The following BROX variants were observed in gnomAD, a reference collection of about 807,000 sequenced individuals.
The protein encoded by BROX is BRO1 domain and CAAX motif containing, also known as BRO1 domain-containing protein BROX.
BROX carries 53 observed loss-of-function variants against 61.0 expected under a neutral mutation model. That is an observed-to-expected ratio of 0.87 (90% CI 0.70 to 1.09). The LOEUF (loss-of-function observed/expected upper bound fraction) is 1.09. Among genes scored for constraint, BROX ranks in the 50% least tolerant of loss-of-function variants. The pLI, the probability that BROX is intolerant of heterozygous loss-of-function variation, is 0.00. For synonymous variants in BROX, 152 were observed against 160.2 expected, an observed-to-expected ratio of 0.95 and a Z score of 0.38; for missense variants, 489 against 472.0, an observed-to-expected ratio of 1.04 and a Z score of -0.33.
In BROX at chr1:222,734,142, C is replaced by A. The variant is rs777903254; in HGVS notation, c.*1428C>A. 2.6e-5 allele frequency: 4 copies of A among 152,142 alleles called. No individual in the cohort carries two copies. Among genetic ancestry groups the A allele is most frequent in the Non-Finnish European group, 5.9e-5 (4 of 67,996 alleles). The allele number at this position is 152,142 out of a possible 1,614,324, so 9.4% of individuals were successfully genotyped here. ...GGATGCATAATACTTTAACAGAAGTCACACATCTGTAGGTTTATCTTTTGA... is the reference window on the plus strand; with the variant it reads ...GGATGCATAATACTTTAACAGAAGTAACACATCTGTAGGTTTATCTTTTGA... On this transcript the variant is annotated 3_prime_UTR_variant, in exon 13 of 13. Transcript: ENST00000340934.
chr1:222,719,459 G>A (rs1316827906), intron 4 of BROX, 100 bp downstream of exon 4: 4 of 792,010 alleles, frequency 5.1e-6, no homozygotes, highest in Non-Finnish European at 6.3e-6. Context: ...AAAAATACAG[G>A]TCTGCTCAGC....
intron 2 of BROX, 59 bp downstream of exon 2, chr1:222,715,859 A>G (rs1045064010): frequency 7.7e-6 from 7 of 914,840 alleles, no homozygotes; most frequent in African/African-American, 5.1e-5. Context: ...TTCCATGGCA[A>G]TACAGAAATA....
intron 4 of BROX, among the ~76,000 whole-genome samples, chr1:222,721,030 C>T (rs527878576): frequency 6.6e-6 from 1 of 152,214 alleles, no homozygotes; most frequent in South Asian, 2.1e-4. Context: ...GTTACTATGA[C>T]TACTACTTTT....
intron 5 of BROX, among the ~76,000 whole-genome samples, chr1:222,722,739 C>A (rs149154051): frequency 1.5e-3 from 227 of 152,232 alleles, no homozygotes; most frequent in African/African-American, 5.3e-3. Flanking sequence ...GACCCCAAAT[C>A]AAGAACCCAT....
intron 5 of BROX, among the ~76,000 whole-genome samples, chr1:222,723,557 C>G (rs1409667349): frequency 1.3e-5 from 2 of 152,134 alleles, no homozygotes; most frequent in East Asian, 1.9e-4. Context: ...TACTTGTTTT[C>G]AAGACCTTTT....
intron 7 of BROX, 126 bp from the exon 8 acceptor site, chr1:222,727,042 A>T: frequency 1.5e-6 from 1 of 688,824 alleles, no homozygotes; most frequent in Non-Finnish European, 2.5e-6. Context: ...TTTGCACGTT[A>T]AAACGTTTAA....
In BROX at chr1:222,713,619, C is replaced by G. The variant is rs993339634; in HGVS notation, c.-17+677C>G. The G allele has an allele frequency of 8.3e-5, 16 of 191,928 alleles. 1 individual carries two copies. The highest frequency in any genetic ancestry group is 1.2e-4 in the African/African-American group (5 of 42,222). 11.9% of individuals were successfully genotyped at this position (191,928 alleles called of 1,614,324 possible). ...CCGAAAACTGAAGACCGCCGGGTCG[C>G]AGAAGGGGAGAAGATGGGGCAGGGG... On this transcript the variant is annotated intron_variant, in intron 1 of 12. Coordinates refer to ENST00000340934, the MANE Select transcript of BROX (RefSeq NM_144695.4).
intron 1 of BROX, among the ~76,000 whole-genome samples, chr1:222,714,624 C>G (rs2124989384): frequency 6.6e-6 from 1 of 151,140 alleles, no homozygotes. Flanking sequence ...GGATCTTGCC[C>G]TGTCGCCCAG....
At chr1:222,715,996 A>G (rs571839025) in intron 2 of BROX, among the ~76,000 whole-genome samples, 196 bp downstream of exon 2, 156 of 152,402 alleles carry the variant, frequency 1.0e-3, no homozygotes, top group African/African-American at 3.2e-3. Context: ...AATGAGTCCC[A>G]GAGAGGCTAA....
At chr1:222,718,097 G>A (rs760143171) in intron 2 of BROX, 41 of 152,280 alleles carry the variant, frequency 2.7e-4, no homozygotes, top group Non-Finnish European at 4.6e-4. Flanking sequence ...ACTAATAGGT[G>A]AGATCTCAAA....
chr1:222,720,891 G>A (rs1469585315), intron 4 of BROX, among the ~76,000 whole-genome samples: 1 of 152,128 alleles, frequency 6.6e-6, no homozygotes, highest in Non-Finnish European at 1.5e-5. Flanking sequence ...AGAATTATGT[G>A]ATGAAGACTT....
intron 11 of BROX, among the ~76,000 whole-genome samples, chr1:222,730,920 A>G (rs1025896819): frequency 6.6e-6 from 1 of 152,130 alleles, no homozygotes; most frequent in Non-Finnish European, 1.5e-5. Context: ...GCTTTTTTTC[A>G]AGAGGTTTTC....
chr1:222,715,683 G>T lies in BROX; in HGVS notation c.-16-1G>T. ...TATATTTTTTACTTTTTTGTCTATA[G>T]AAAACATCTGGAGAAAATGACCCAT... is the stretch of plus-strand genomic sequence containing the variant. On this transcript the variant is annotated splice_acceptor_variant, in intron 1 of 12. Coordinates refer to ENST00000340934, the MANE Select transcript of BROX (RefSeq NM_144695.4). LOFTEE classifies it low-confidence loss of function (5UTR_SPLICE). 1 of 1,423,662 alleles carries T rather than the reference G, an allele frequency of 7.0e-7. No homozygotes were observed. 88.2% of individuals were successfully genotyped at this position (1,423,662 alleles called of 1,614,324 possible). A position where few individuals can be genotyped will look rare whatever the true frequency, so the allele number is the denominator to read the frequency against.
chr1:222,714,829 C>T (rs1262801503), intron 1 of BROX, among the ~76,000 whole-genome samples: 1 of 152,138 alleles, frequency 6.6e-6, no homozygotes, highest in South Asian at 2.1e-4. Context: ...ATCCACCCAC[C>T]TCGGCCTTCC....
In BROX at chr1:222,712,889, A is replaced by G. The variant is rs1656166571; in HGVS notation, c.-70A>G. On this transcript the variant is annotated 5_prime_UTR_variant, in exon 1 of 13. Transcript: ENST00000340934. ...CTCTTTTTCTCGCTTGTGGACTCCG[A>G]TATATTGCCCTTCTTCCCTTAGAAG... The G allele has an allele frequency of 8.0e-7, 1 of 1,247,294 alleles. No homozygotes were observed. Among genetic ancestry groups the G allele is most frequent in the African/African-American group, 1.6e-5 (1 of 64,404 alleles). The allele number at this position is 1,247,294 out of a possible 1,614,324, so 77.3% of individuals were successfully genotyped here. A position where few individuals can be genotyped will look rare whatever the true frequency, so the allele number is the denominator to read the frequency against.
At chr1:222,725,603 A>G (rs760733850) in intron 7 of BROX, 48 bp downstream of exon 7, 4 of 1,423,792 alleles carry the variant, frequency 2.8e-6, no homozygotes, top group Non-Finnish European at 3.9e-6. Context: ...CTATATTGTC[A>G]TTGAATTCCT....
intron 11 of BROX, 24 bp downstream of exon 11, chr1:222,730,201 T>C (rs1657832571): frequency 2.9e-6 from 4 of 1,359,586 alleles, no homozygotes; most frequent in Admixed American, 2.2e-5. Context: ...AATATTACTT[T>C]AGTAATAATA....
intron 4 of BROX, 58 bp from the exon 5 acceptor site, chr1:222,722,361 T>C: frequency 7.2e-7 from 1 of 1,396,236 alleles, no homozygotes. Flanking sequence ...TCCAGTAGGC[T>C]TCATGGTGTG....
At chr1:222,729,949 C>A in intron 10 of BROX, 78 bp from the exon 11 acceptor site, 1 of 1,372,340 alleles carries the variant, frequency 7.3e-7, no homozygotes, top group Non-Finnish European at 1.0e-6. Flanking sequence ...GTCTTATCAC[C>A]TCCAGTTTAA....
Sources: allele counts gnomAD v4.1 joint callset (sites outside exome capture counted in the v4.1 genomes callset), GRCh38; gene constraint gnomAD v4.1.1; transcripts MANE v1.5; gene names NCBI Gene and HGNC (gene_info 2026-07-23, HGNC 2026-07-21).